Variants in ANKS1B observed in about 807,000 individuals in gnomAD.
The protein encoded by ANKS1B is ankyrin repeat and sterile alpha motif domain containing 1B.
Under a neutral mutation model 148.3 loss-of-function variants are expected in ANKS1B, and 36 were observed. The observed-to-expected ratio is 0.24, with a 90% CI of 0.19 to 0.32. The LOEUF is 0.32. ANKS1B is among the 10% of genes least tolerant of loss of function. ANKS1B has a pLI of 1.00. For synonymous variants in ANKS1B, 542 were observed against 560.8 expected, an observed-to-expected ratio of 0.97 and a Z score of 0.47; for missense variants, 1,157 against 1,542.6, an observed-to-expected ratio of 0.75 and a Z score of 4.19.
chr12:99,030,624 T>C (rs539812637), intron 17 of ANKS1B, among the ~76,000 whole-genome samples: 5 of 152,336 alleles, frequency 3.3e-5, no homozygotes, highest in Non-Finnish European at 5.9e-5. Flanking sequence ...TTTAAGGTCC[T>C]TGTTGTATGT....
intron 17 of ANKS1B, among the ~76,000 whole-genome samples, chr12:98,884,673 C>G (rs2099734644): frequency 6.6e-6 from 1 of 151,728 alleles, no homozygotes; most frequent in South Asian, 2.1e-4. Context: ...GTGGCGGGCG[C>G]CTGTAGTCCC....
chr12:99,144,169 C>T (rs1029684150), intron 15 of ANKS1B, among the ~76,000 whole-genome samples: 3 of 151,918 alleles, frequency 2.0e-5, no homozygotes, highest in Admixed American at 6.6e-5. Flanking sequence ...CTTGCCTAAT[C>T]ATCAATTTCC....
At chr12:99,160,941 C>A (rs2076596460) in intron 14 of ANKS1B, among the ~76,000 whole-genome samples, 1 of 152,058 alleles carries the variant, frequency 6.6e-6, no homozygotes, top group African/African-American at 2.4e-5. Flanking sequence ...TTTATTGTAG[C>A]CTTATAGCAT....
rs2098678830 is a variant in ANKS1B at position 99,691,423 on chromosome 12, C to A, written c.1129-36213G>T. Among the ~76,000 whole-genome samples the A allele has an allele frequency of 2.0e-5, 3 of 152,196 alleles. No homozygotes were observed. In the South Asian group the frequency reaches 6.2e-4, roughly 31 times the overall value. Reference sequence around the variant, plus strand: ...GCTGCAAATTTTTCAAACTTTTATGCTCTACTTCCTCTTGAACACTTTGCT... The same window carrying A: ...GCTGCAAATTTTTCAAACTTTTATGATCTACTTCCTCTTGAACACTTTGCT... On this transcript the variant is annotated intron_variant, in intron 8 of 26. Coordinates refer to ENST00000683438, the MANE Select transcript of ANKS1B (RefSeq NM_001352186.2).
At chr12:99,824,499 C>CAA (rs530267431) in intron 2 of ANKS1B, among the ~76,000 whole-genome samples, 36 of 93,488 alleles carry the variant, frequency 3.9e-4, no homozygotes, top group African/African-American at 1.0e-3. Flanking sequence ...GACTCTGTCT[C>CAA]AAAAAAAAAA....
intron 12 of ANKS1B, among the ~76,000 whole-genome samples, chr12:99,347,055 C>T (rs2090796460): frequency 6.6e-6 from 1 of 151,936 alleles, no homozygotes; most frequent in South Asian, 2.1e-4. Context: ...AGATTTTGTT[C>T]TGAAAAAACT....
intron 17 of ANKS1B, among the ~76,000 whole-genome samples, chr12:98,890,029 T>C (rs1437148239): frequency 1.3e-5 from 2 of 152,080 alleles, no homozygotes; most frequent in Non-Finnish European, 2.9e-5. Flanking sequence ...AAGAAATTAG[T>C]GATGAATGAT....
intron 1 of ANKS1B, among the ~76,000 whole-genome samples, chr12:99,969,616 A>G (rs1453661232): frequency 2.0e-5 from 3 of 152,252 alleles, no homozygotes; most frequent in Admixed American, 1.3e-4. Context: ...AATACTGCCA[A>G]TAATATGAAA....
At chr12:98,956,272 C>G (rs781741434) in intron 17 of ANKS1B, 1 of 152,336 alleles carries the variant, frequency 6.6e-6, no homozygotes, top group Non-Finnish European at 1.5e-5. Context: ...GAACCCATCT[C>G]CCCCCTCCGT....
chr12:99,446,430 C>T (rs181687277), intron 10 of ANKS1B, among the ~76,000 whole-genome samples: 4 of 152,070 alleles, frequency 2.6e-5, no homozygotes, highest in Non-Finnish European at 4.4e-5. Flanking sequence ...GCAGACAAGC[C>T]ATGTTAAATT....
In ANKS1B at chr12:98,984,156, G is replaced by A. The variant is rs535289375; in HGVS notation, c.2778+69001C>T. Among the ~76,000 whole-genome samples, 3 of 152,284 alleles carry A rather than the reference G, an allele frequency of 2.0e-5. No homozygotes were observed. In the East Asian group the frequency reaches 5.8e-4, roughly 29 times the overall value. Reference sequence around the variant, plus strand: ...TTTTGGCTTCTACTGAAATGGTTGAGGGACAGAACCCTTAAGCCCAGAGGT... The same window carrying A: ...TTTTGGCTTCTACTGAAATGGTTGAAGGACAGAACCCTTAAGCCCAGAGGT... On this transcript the variant is annotated intron_variant, in intron 17 of 26. Transcript: ENST00000683438.
chr12:98,814,349 A>G (rs550346741), intron 19 of ANKS1B, among the ~76,000 whole-genome samples: 6 of 152,372 alleles, frequency 3.9e-5, no homozygotes, highest in African/African-American at 1.4e-4. Flanking sequence ...ATGGAATCAT[A>G]TAACACATTC....
chr12:99,032,403 C>G (rs117832311), intron 17 of ANKS1B, among the ~76,000 whole-genome samples: 321 of 152,266 alleles, frequency 2.1e-3, no homozygotes, highest in Non-Finnish European at 3.5e-3. Context: ...AGGGGAGAAT[C>G]CTTCCTTGCT....
intron 11 of ANKS1B, among the ~76,000 whole-genome samples, chr12:99,422,040 A>T (rs11609874): frequency 0.13 from 19,048 of 152,138 alleles, 1,300 homozygotes; most frequent in Non-Finnish European, 0.17. Context: ...TAGACGGTGG[A>T]GCCATGCTTG....
At chr12:98,974,986 T>A (rs2099890766) in intron 17 of ANKS1B, among the ~76,000 whole-genome samples, 2 of 144,370 alleles carry the variant, frequency 1.4e-5, no homozygotes, top group South Asian at 4.9e-4. Context: ...CCCTCTCTCC[T>A]ACCCTTCTTC....
intron 16 of ANKS1B, among the ~76,000 whole-genome samples, chr12:99,055,777 C>T (rs1038812710): frequency 6.6e-5 from 10 of 151,526 alleles, no homozygotes; most frequent in Admixed American, 5.3e-4. Flanking sequence ...TAAATTGGAA[C>T]TGAGCCTTCA....
chr12:99,313,616 C>T lies in ANKS1B; in HGVS notation c.1757-66752G>A, dbSNP rs191806826. Among the ~76,000 whole-genome samples the T allele has an allele frequency of 2.0e-4, 31 of 152,178 alleles. No homozygotes were observed. In the East Asian group the frequency reaches 5.0e-3, roughly 25 times the overall value. On this transcript the variant is annotated intron_variant, in intron 12 of 26. Transcript: ENST00000683438. ...TGGGTTGCAAGGTTGGTTCAACATACGCAAATCAATAAATGTAATCCATCA... is the reference window on the plus strand; with the variant it reads ...TGGGTTGCAAGGTTGGTTCAACATATGCAAATCAATAAATGTAATCCATCA...
chr12:99,185,712 C>G (rs2079745945), intron 14 of ANKS1B, among the ~76,000 whole-genome samples: 1 of 152,194 alleles, frequency 6.6e-6, no homozygotes, highest in Non-Finnish European at 1.5e-5. Flanking sequence ...CATTCTGGCC[C>G]AGATACTACG....
chr12:99,522,392 A>G (rs1596310478), intron 9 of ANKS1B, among the ~76,000 whole-genome samples: 1 of 152,206 alleles, frequency 6.6e-6, no homozygotes, highest in Non-Finnish European at 1.5e-5. Flanking sequence ...CAATGTGCAG[A>G]CCAAATAGTA....
Sources: gnomAD v4.1 joint callset for allele counts (sites outside exome capture counted in the v4.1 genomes callset) on GRCh38, gnomAD v4.1.1 for gene constraint, MANE v1.5 for transcripts, NCBI Gene and HGNC (gene_info 2026-07-23, HGNC 2026-07-21) for gene names.